PDE11A: variants seen among roughly 807,000 people sequenced by gnomAD.
PDE11A encodes the protein phosphodiesterase 11A.
Under a neutral mutation model 100.5 loss-of-function variants are expected in PDE11A, and 100 were observed. The ratio of observed to expected loss-of-function variants is 1.00; its 90% CI spans 0.85 to 1.18. PDE11A has a LOEUF of 1.18. Among genes scored for constraint, PDE11A ranks in the 50% most tolerant of loss-of-function variants. The pLI is 0.00. For synonymous variants in PDE11A, 381 were observed against 420.8 expected (o/e 0.91, Z 1.16); for missense variants, 1,141 against 1,152.6 (o/e 0.99, Z 0.15).
intron 9 of PDE11A, among the ~76,000 whole-genome samples, chr2:177,801,974 G>C (rs542102055): frequency 6.9e-6 from 1 of 144,116 alleles, no homozygotes; most frequent in Admixed American, 7.3e-5. Context: ...ATCTGACCAG[G>C]GACTAGTATC....
intron 1 of PDE11A, among the ~76,000 whole-genome samples, chr2:178,107,111 A>G (rs1296026255): frequency 6.6e-6 from 1 of 152,156 alleles, no homozygotes; most frequent in East Asian, 1.9e-4. Context: ...CACGTGTAAC[A>G]TATTTCCATT....
intron 16 of PDE11A, among the ~76,000 whole-genome samples, chr2:177,678,411 GT>G (rs2080812163): frequency 6.6e-6 from 1 of 151,036 alleles, no homozygotes; most frequent in African/African-American, 2.4e-5. Context: ...TAATAAACAT[GT>G]GCTTATTTGA....
chr2:177,800,816 T>C (rs371154741), intron 9 of PDE11A, among the ~76,000 whole-genome samples: 16 of 152,272 alleles, frequency 1.1e-4, no homozygotes, highest in African/African-American at 3.9e-4. Flanking sequence ...GCCTAGTAAC[T>C]AAATATTAGT....
At chr2:177,744,252 A>G (rs1179777534) in intron 10 of PDE11A, among the ~76,000 whole-genome samples, 2 of 151,960 alleles carry the variant, frequency 1.3e-5, no homozygotes, top group Non-Finnish European at 2.9e-5. Flanking sequence ...TGCTCTAGTG[A>G]CCTTGCAGGG....
intron 6 of PDE11A, among the ~76,000 whole-genome samples, chr2:177,821,610 A>G (rs2083141763): frequency 6.6e-6 from 1 of 151,870 alleles, no homozygotes; most frequent in African/African-American, 2.4e-5. Flanking sequence ...CAGTTGATTT[A>G]TATCATCACC....
chr2:177,988,489 A>C (rs959329080), intron 2 of PDE11A, among the ~76,000 whole-genome samples: 1 of 152,328 alleles, frequency 6.6e-6, no homozygotes, highest in Admixed American at 6.5e-5. Context: ...TCAAGACTAA[A>C]AAAGCAGGCT....
intron 2 of PDE11A, among the ~76,000 whole-genome samples, chr2:178,012,829 T>C (rs2086287914): frequency 6.6e-6 from 1 of 152,176 alleles, no homozygotes; most frequent in Admixed American, 6.5e-5. Flanking sequence ...GTTAGGGGTA[T>C]GGTATGGGTA....
chr2:177,790,934 T>C (rs553286925), intron 9 of PDE11A, among the ~76,000 whole-genome samples: 1 of 152,348 alleles, frequency 6.6e-6, no homozygotes, highest in Admixed American at 6.5e-5. Flanking sequence ...TTTACACTGT[T>C]GGAGAGACTG....
chr2:177,787,829 A>AT (rs2082561007), intron 9 of PDE11A, among the ~76,000 whole-genome samples: 2 of 152,206 alleles, frequency 1.3e-5, no homozygotes, highest in Admixed American at 1.3e-4. Context: ...ATTCAACAAG[A>AT]AAAGCTAACT....
At chr2:177,934,977 T>C (rs1305407504) in intron 2 of PDE11A, among the ~76,000 whole-genome samples, 1 of 151,490 alleles carries the variant, frequency 6.6e-6, no homozygotes, top group East Asian at 1.9e-4. Context: ...GAGGGGGGAG[T>C]AAGGGTTGAG....
intron 2 of PDE11A, among the ~76,000 whole-genome samples, chr2:177,906,152 C>G (rs1257717195): frequency 6.7e-6 from 1 of 149,088 alleles, no homozygotes; most frequent in Non-Finnish European, 1.5e-5. Context: ...CTCTATGTCT[C>G]TCTGTCTCTC....
chr2:177,692,022 G>A (rs2081047611), intron 15 of PDE11A, among the ~76,000 whole-genome samples: 1 of 152,100 alleles, frequency 6.6e-6, no homozygotes, highest in South Asian at 2.1e-4. Context: ...TCCATGCTCC[G>A]GGGTTGCAGT....
At chr2:178,032,187 A>T (rs1352586915) in intron 1 of PDE11A, among the ~76,000 whole-genome samples, 2 of 152,246 alleles carry the variant, frequency 1.3e-5, no homozygotes, top group Admixed American at 1.3e-4. Context: ...TTACAATTAA[A>T]CTAAATACTT....
At chr2:177,955,635 C>T (rs927414113) in intron 2 of PDE11A, among the ~76,000 whole-genome samples, 3 of 152,142 alleles carry the variant, frequency 2.0e-5, no homozygotes, top group Non-Finnish European at 4.4e-5. Flanking sequence ...AAGCTGGAGG[C>T]ATCACGCTAC....
rs13010396 is a variant in PDE11A, at chr2:177,628,206, T to C, written c.*1201A>G. The stretch of plus-strand genomic sequence containing the variant: ...AGGAAACAAGCTTGTAGAAGTTAAG[T>C]GACTTGTTCAAGTCAATCCAGTCAA... On this transcript the variant is annotated 3_prime_UTR_variant, in exon 20 of 20. Coordinates refer to ENST00000286063, the MANE Select transcript of PDE11A (RefSeq NM_016953.4). The C allele has an allele frequency of 0.65, 99,708 of 152,588 alleles. 36,966 individuals are homozygous for C. The highest frequency in any genetic ancestry group is 0.86 in the East Asian group (4,451 of 5,168). 9.5% of individuals were successfully genotyped at this position (152,588 alleles called of 1,614,324 possible). A position where few individuals can be genotyped will look rare whatever the true frequency, so the allele number is the denominator to read the frequency against.
intron 19 of PDE11A, among the ~76,000 whole-genome samples, chr2:177,639,302 A>G (rs571334426): frequency 6.6e-6 from 1 of 152,184 alleles, no homozygotes; most frequent in African/African-American, 2.4e-5. Flanking sequence ...TTGGCCCGTT[A>G]CTCAACCATG....
intron 5 of PDE11A, among the ~76,000 whole-genome samples, chr2:177,849,798 A>AG (rs989260672): frequency 1.3e-5 from 2 of 150,812 alleles, no homozygotes; most frequent in Non-Finnish European, 1.5e-5. Context: ...TCAAAAAAAA[A>AG]ACAAAAAAAC....
chr2:177,938,885 T>C (rs1161796703), intron 2 of PDE11A, among the ~76,000 whole-genome samples: 1 of 152,080 alleles, frequency 6.6e-6, no homozygotes, highest in Admixed American at 6.5e-5. Context: ...ATATGACTGG[T>C]GTCCTTAGAA....
chr2:178,073,900 T>A (rs934674442), upstream of PDE11A, among the ~76,000 whole-genome samples: 2 of 151,970 alleles, frequency 1.3e-5, no homozygotes, highest in African/African-American at 2.4e-5. Flanking sequence ...GCAAATGTTA[T>A]GTGTCAGGGT....
Sources: allele counts gnomAD v4.1 joint callset (sites outside exome capture counted in the v4.1 genomes callset), GRCh38; gene constraint gnomAD v4.1.1; transcripts MANE v1.5; gene names NCBI Gene and HGNC (gene_info 2026-07-23, HGNC 2026-07-21).